PAK5: variants seen among roughly 807,000 people sequenced by gnomAD.
The protein encoded by PAK5 is serine/threonine-protein kinase PAK 5.
In PAK5, 16 loss-of-function variants were observed where a neutral mutation model predicts 65.9. The observed-to-expected ratio is 0.24, with a 90% CI of 0.16 to 0.37. PAK5 has a LOEUF of 0.37. Ranked by LOEUF, PAK5 falls within the 10% of genes least tolerant of loss-of-function variation. The pLI is 1.00. For synonymous variants in PAK5, 371 were observed against 354.9 expected, an observed-to-expected ratio of 1.05 and a Z score of -0.51; for missense variants, 785 against 903.9, an observed-to-expected ratio of 0.87 and a Z score of 1.69.
intron 3 of PAK5, among the ~76,000 whole-genome samples, chr20:9,595,413 A>G (rs1385376360): frequency 6.6e-6 from 1 of 152,170 alleles, no homozygotes; most frequent in Non-Finnish European, 1.5e-5. Context: ...GATTCCCTCA[A>G]TGATACTAAC....
intron 1 of PAK5, among the ~76,000 whole-genome samples, chr20:9,802,864 G>T (rs2049185033): frequency 7.8e-6 from 1 of 128,134 alleles, no homozygotes; most frequent in Non-Finnish European, 1.6e-5. Flanking sequence ...TAGAAACGGG[G>T]TTTAATTTTC....
At chr20:9,566,504 T>A in intron 4 of PAK5, 120 bp from the exon 5 acceptor site, 1 of 999,302 alleles carries the variant, frequency 1.0e-6, no homozygotes, top group Non-Finnish European at 1.5e-6. Flanking sequence ...GATGAGAGGA[T>A]CTGGCTGGGG....
chr20:9,567,676 G>A (rs189319841), intron 4 of PAK5, among the ~76,000 whole-genome samples: 47 of 152,326 alleles, frequency 3.1e-4, no homozygotes, highest in African/African-American at 1.0e-3. Context: ...ACTGTTTTAG[G>A]TGTGAGGGGG....
At chr20:9,649,060 G>C (rs2327204) in intron 2 of PAK5, among the ~76,000 whole-genome samples, 142,289 of 152,288 alleles carry the variant, frequency 0.93, 66,494 homozygotes, top group East Asian at 1. Context: ...GTGTAGGTAT[G>C]TTTCAGTACA....
chr20:9,546,491 G>A (rs1257522547), intron 7 of PAK5, among the ~76,000 whole-genome samples: 2 of 152,220 alleles, frequency 1.3e-5, no homozygotes, highest in Admixed American at 1.3e-4. Context: ...AGGGTAGGAT[G>A]AGAAGGTCCT....
intron 1 of PAK5, among the ~76,000 whole-genome samples, chr20:9,827,769 G>A (rs1001724805): frequency 6.6e-6 from 1 of 152,144 alleles, no homozygotes; most frequent in African/African-American, 2.4e-5. Context: ...ATGCAAAGGG[G>A]AGTGGCAGTG....
At chr20:9,791,854 C>T (rs1218556584) in intron 1 of PAK5, among the ~76,000 whole-genome samples, 1 of 152,110 alleles carries the variant, frequency 6.6e-6, no homozygotes, top group Non-Finnish European at 1.5e-5. Context: ...TCCAGGGCTT[C>T]ATTCAAACTG....
chr20:9,553,561 T>C (rs1173238714), intron 7 of PAK5, among the ~76,000 whole-genome samples: 1 of 151,992 alleles, frequency 6.6e-6, no homozygotes. Flanking sequence ...TTCATGAGTG[T>C]GTGTGTGTGT....
chr20:9,837,443 A>T (rs898049108), intron 1 of PAK5, among the ~76,000 whole-genome samples: 8 of 152,226 alleles, frequency 5.3e-5, no homozygotes, highest in African/African-American at 1.9e-4. Context: ...ATTATAAAGC[A>T]AAAAATAAAC....
intron 1 of PAK5, among the ~76,000 whole-genome samples, chr20:9,750,776 C>T (rs761202348): frequency 1.3e-4 from 20 of 152,232 alleles, no homozygotes; most frequent in Admixed American, 2.0e-4. Flanking sequence ...GGGCCATGAT[C>T]GCTTACACTG....
At chr20:9,760,362 A>G (rs1391826208) in intron 1 of PAK5, among the ~76,000 whole-genome samples, 1 of 152,078 alleles carries the variant, frequency 6.6e-6, no homozygotes, top group Non-Finnish European at 1.5e-5. Flanking sequence ...TTGATCAACA[A>G]TTCATTCTGG....
In PAK5 at chr20:9,539,505, G is replaced by C. The variant is rs201686986; in HGVS notation, c.2117C>G (p.Pro706Arg). Reference protein sequence around the residue: ...GHPFLKLAGPPSCIVPLMRQY... With the variant: ...GHPFLKLAGPRSCIVPLMRQY... Reference sequence around the variant, plus strand: ...TCTCATGAGGGGGACGATGCAAGACGGTGGACCTGCTAGTTTTAAGAATGG... The same window carrying C: ...TCTCATGAGGGGGACGATGCAAGACCGTGGACCTGCTAGTTTTAAGAATGG... Residue 706 changes from proline to arginine, a missense_variant, in exon 10 of 10, where the codon CCG becomes CGG. Pro to Arg is a moderately radical substitution (Grantham distance 103). Transcript: ENST00000353224. The C allele has an allele frequency of 6.2e-7, 1 of 1,614,010 alleles. No homozygotes were observed. Among genetic ancestry groups the C allele is most frequent in the Admixed American group, 1.7e-5 (1 of 60,024 alleles).
In PAK5 at chr20:9,542,661, G is replaced by A; in HGVS notation, c.1929C>T (p.Tyr643=). The change falls in exon 9 of 10, where the codon TAC becomes TAT. Residue 643 remains tyrosine, a synonymous_variant. Coordinates refer to ENST00000353224, the MANE Select transcript of PAK5 (RefSeq NM_177990.4). ...VIEMIDGEPP[Y]FNEPPLQAMR... ...TCGCCTGGAGGGGAGGCTCATTGAA[G>A]TAGGGGGGCTCGCCATCAATCATTT... 6.2e-7 allele frequency: 1 copy of A among 1,614,034 alleles called. No individual in the cohort carries two copies. Among genetic ancestry groups the A allele is most frequent in the Non-Finnish European group, 8.5e-7 (1 of 1,179,878 alleles).
intron 1 of PAK5, among the ~76,000 whole-genome samples, chr20:9,801,873 T>C (rs1223824522): frequency 6.6e-6 from 1 of 152,164 alleles, no homozygotes; most frequent in Non-Finnish European, 1.5e-5. Flanking sequence ...GCTTCATGTA[T>C]TGCTACTTTA....
chr20:9,809,212 T>C (rs753329728), intron 1 of PAK5, among the ~76,000 whole-genome samples: 1 of 152,050 alleles, frequency 6.6e-6, no homozygotes, highest in African/African-American at 2.4e-5. Flanking sequence ...CTTAAAAATA[T>C]AGATCTCAGG....
chr20:9,780,745 T>A (rs1016044406), intron 1 of PAK5, among the ~76,000 whole-genome samples: 6 of 152,172 alleles, frequency 3.9e-5, no homozygotes, highest in African/African-American at 1.4e-4. Flanking sequence ...TAGTTTGCTA[T>A]GAGTAAATCT....
chr20:9,624,024 T>A (rs535552113), intron 3 of PAK5, among the ~76,000 whole-genome samples: 12 of 152,302 alleles, frequency 7.9e-5, no homozygotes, highest in African/African-American at 2.9e-4. Flanking sequence ...CGCTTTATGA[T>A]CCAACAATCC....
chr20:9,620,572 G>C (rs555031481), intron 3 of PAK5, among the ~76,000 whole-genome samples: 3 of 152,178 alleles, frequency 2.0e-5, no homozygotes. Context: ...AAGAGGTTGC[G>C]CTCTAGCTGC....
intron 1 of PAK5, among the ~76,000 whole-genome samples, chr20:9,762,759 T>C (rs571572210): frequency 6.6e-6 from 1 of 152,258 alleles, no homozygotes; most frequent in South Asian, 2.1e-4. Context: ...TAATCCCACT[T>C]CTAGGTATTT....
Sources: allele counts gnomAD v4.1 joint callset (sites outside exome capture counted in the v4.1 genomes callset), GRCh38; gene constraint gnomAD v4.1.1; transcripts MANE v1.5; gene names NCBI Gene and HGNC (gene_info 2026-07-23, HGNC 2026-07-21).